Variants in POLR3A observed in about 807,000 individuals in gnomAD.
POLR3A encodes RNA polymerase III subunit A.
A neutral mutation model predicts 152.8 loss-of-function variants in POLR3A; 112 were observed. That is an observed-to-expected ratio of 0.73 (90% CI 0.63 to 0.86). The LOEUF (loss-of-function observed/expected upper bound fraction) is 0.86, where lower values mean the gene tolerates loss of function less well. POLR3A is among the 40% of genes least tolerant of loss of function. The pLI is 0.00. For missense variants in POLR3A, 1,385 were observed against 1,743.1 expected (o/e 0.79, Z 3.66); for synonymous variants, 615 against 652.1 (o/e 0.94, Z 0.87).
chr10:78,007,942 G>A lies in POLR3A; in HGVS notation c.1910-76C>T, dbSNP rs1042075079. Reference sequence around the variant, plus strand: ...ATTCCAAAATGAATTTGAGACAGTTGAGAAAATATGTTCCCATACTGACAC... The same window carrying A: ...ATTCCAAAATGAATTTGAGACAGTTAAGAAAATATGTTCCCATACTGACAC... On this transcript the variant is annotated intron_variant, in intron 14 of 30. Coordinates refer to ENST00000372371, the MANE Select transcript of POLR3A (RefSeq NM_007055.4). 94 of 1,082,424 alleles carry A rather than the reference G, an allele frequency of 8.7e-5. No individual in the cohort carries two copies. In the East Asian group the frequency reaches 4.0e-3, roughly 46 times the overall value. The allele number at this position is 1,082,424 out of a possible 1,614,324, so 67.1% of individuals were successfully genotyped here. A position where few individuals can be genotyped will look rare whatever the true frequency, so the allele number is the denominator to read the frequency against.
In POLR3A at chr10:78,022,297, C is replaced by T. The variant is rs759366628; in HGVS notation, c.733G>A (p.Gly245Arg). 6.8e-6 allele frequency: 11 copies of T among 1,614,202 alleles called. No homozygotes were observed. Among genetic ancestry groups the T allele is most frequent in the South Asian group, 3.3e-5 (3 of 91,086 alleles). ...VPLLLMNPEA[G>R]KPSDLILTRL... ...GTGAGAATCAAATCAGACGGCTTTC[C>T]GGCTTCTGGGTTCATCAGAAGTAGA... The change falls in exon 6 of 31, where the codon GGA (glycine) becomes AGA (arginine). Residue 245 changes from glycine (G) to arginine (R), a missense_variant. Physicochemically the swap from Gly to Arg is moderately radical, Grantham distance 125. Around this residue, in one of 7 missense-constraint regions of POLR3A, gnomAD observed 493 missense variants for 647.5 expected, o/e 0.76. Coordinates refer to ENST00000372371, the MANE Select transcript of POLR3A (RefSeq NM_007055.4).
chr10:78,009,727 C>G (rs1847446638), intron 13 of POLR3A, 52 bp from the exon 14 acceptor site: 1 of 1,613,772 alleles, frequency 6.2e-7, no homozygotes, highest in South Asian at 1.1e-5. Flanking sequence ...GGTCTCAATC[C>G]CCCTTCAGTA....
At chr10:78,022,778 C>T (rs1026128873) in intron 5 of POLR3A, among the ~76,000 whole-genome samples, 15 of 151,984 alleles carry the variant, frequency 9.9e-5, no homozygotes, top group South Asian at 2.1e-4. Flanking sequence ...ACGGTATATC[C>T]CTATGTGGAA....
At chr10:77,986,249 A>G (rs1847197451) in intron 21 of POLR3A, 90 bp from the exon 22 acceptor site, 4 of 793,724 alleles carry the variant, frequency 5.0e-6, no homozygotes, top group Non-Finnish European at 9.2e-6. Context: ...GTATATGACA[A>G]GTCCATCATA....
intron 14 of POLR3A, among the ~76,000 whole-genome samples, chr10:78,009,219 C>CCCG (rs1847440740): frequency 1.3e-5 from 2 of 151,698 alleles, no homozygotes; most frequent in African/African-American, 4.8e-5. Flanking sequence ...TATTGCCCCC[C>CCCG]CCGCCGCCAA....
At chr10:78,022,895 T>G (rs1362744332) in intron 5 of POLR3A, among the ~76,000 whole-genome samples, 1 of 152,204 alleles carries the variant, frequency 6.6e-6, no homozygotes, top group African/African-American at 2.4e-5. Context: ...TAGTGGCTCA[T>G]GCCTGTAATC....
At chr10:77,978,595 G>A (rs1847110766) in intron 30 of POLR3A, among the ~76,000 whole-genome samples, 1 of 151,802 alleles carries the variant, frequency 6.6e-6, no homozygotes, top group Non-Finnish European at 1.5e-5. Flanking sequence ...CTTTCTTCCA[G>A]TCTTCTGTGT....
chr10:77,998,906 G>A (rs1236134384), intron 19 of POLR3A, among the ~76,000 whole-genome samples: 2 of 152,198 alleles, frequency 1.3e-5, no homozygotes, highest in Admixed American at 1.3e-4. Context: ...CAACCTAAGT[G>A]TCCAACAATG....
At position 78,017,641 on chromosome 10, in the gene POLR3A, G is replaced by A. The variant is rs776355314; in HGVS notation, c.1365C>T (p.Ile455=). The A allele has an allele frequency of 1.4e-5, 23 of 1,613,884 alleles. No individual in the cohort carries two copies. The highest frequency in any genetic ancestry group is 1.6e-5 in the Non-Finnish European group (19 of 1,179,910). ...KYGDIVERHL[I]DGDVVLFNRQ... Reference sequence around the variant, plus strand: ...GATTGAACAGCACCACATCTCCATCGATGAGGTGTCTCTCTACGATGTCAC... The same window carrying A: ...GATTGAACAGCACCACATCTCCATCAATGAGGTGTCTCTCTACGATGTCAC... The change falls in exon 10 of 31, where the codon ATC becomes ATT. Residue 455 remains isoleucine (I), a synonymous_variant. Transcript: ENST00000372371.
intron 9 of POLR3A, 79 bp downstream of exon 9, chr10:78,019,083 C>T (rs1847552796): frequency 1.0e-6 from 1 of 980,482 alleles, no homozygotes; most frequent in Non-Finnish European, 1.7e-6. Flanking sequence ...TTCTGGATTG[C>T]ATTCTGTGGC....
chr10:77,992,267 T>G (rs185420736), intron 20 of POLR3A, among the ~76,000 whole-genome samples: 1 of 151,888 alleles, frequency 6.6e-6, no homozygotes, highest in East Asian at 1.9e-4. Context: ...AACAACTTTT[T>G]TTTTCATCTT....
intron 11 of POLR3A, among the ~76,000 whole-genome samples, chr10:78,012,839 A>T (rs1368984706): frequency 1.3e-5 from 2 of 152,016 alleles, no homozygotes; most frequent in Non-Finnish European, 2.9e-5. Context: ...CTCCCATTTC[A>T]GCTTCCTGAG....
intron 24 of POLR3A, 77 bp from the exon 25 acceptor site, chr10:77,984,375 A>C (rs780180159): frequency 3.2e-5 from 27 of 842,914 alleles, no homozygotes; most frequent in Non-Finnish European, 4.6e-5. Flanking sequence ...GTTAAACCCA[A>C]GTGCTATTTA....
chr10:77,978,423 G>A (rs578204107), intron 30 of POLR3A, among the ~76,000 whole-genome samples: 1 of 152,304 alleles, frequency 6.6e-6, no homozygotes, highest in African/African-American at 2.4e-5. Context: ...CAAATTGGGG[G>A]TGGGGTGGCA....
At chr10:77,984,571 T>A (rs1232840324) in intron 24 of POLR3A, among the ~76,000 whole-genome samples, 1 of 152,218 alleles carries the variant, frequency 6.6e-6, no homozygotes, top group Non-Finnish European at 1.5e-5. Flanking sequence ...CTTGATCTCC[T>A]GACCTCGTGA....
At position 77,977,373 on chromosome 10, in the gene POLR3A, G is replaced by A. The variant is rs1325836378; in HGVS notation, c.*105C>T. On this transcript the variant is annotated 3_prime_UTR_variant, in exon 31 of 31. Coordinates refer to ENST00000372371, the MANE Select transcript of POLR3A (RefSeq NM_007055.4). ...AGGGCTTCTCTGATTGCTGGCATAG[G>A]TGGGGACCTCAGGACCCCCGTCCCA... 8.7e-7 allele frequency: 1 copy of A among 1,143,380 alleles called. No individual in the cohort carries two copies. The highest frequency in any genetic ancestry group is 2.3e-5 in the East Asian group (1 of 42,726). The allele number at this position is 1,143,380 out of a possible 1,614,324, so 70.8% of individuals were successfully genotyped here.
chr10:78,015,019 TCAAA>T (rs1381536576), intron 10 of POLR3A, among the ~76,000 whole-genome samples: 1 of 152,184 alleles, frequency 6.6e-6, no homozygotes, highest in Non-Finnish European at 1.5e-5. Flanking sequence ...GCATCTTGAC[TCAAA>T]CAAACCACAA....
rs146894710 is a variant in POLR3A at position 78,006,029 on chromosome 10, T to C, written c.2075-1141A>G. On this transcript the variant is annotated intron_variant, in intron 15 of 30. Coordinates refer to ENST00000372371, the MANE Select transcript of POLR3A (RefSeq NM_007055.4). ...ATACAGAAAATTCAGGAAGCAAATA[T>C]AATAAAACTATGAATAATATTCTCT... 3.4e-3 allele frequency among the ~76,000 whole-genome samples: 523 copies of C among 152,130 alleles called. 5 individuals are homozygous for C. The highest frequency in any genetic ancestry group is 0.012 in the African/African-American group (488 of 41,498).
chr10:77,979,493 T>G (rs957234112), intron 30 of POLR3A, among the ~76,000 whole-genome samples: 3 of 152,118 alleles, frequency 2.0e-5, no homozygotes, highest in African/African-American at 4.8e-5. Context: ...AGCCAGACAC[T>G]GGGGAGAGTT....
Sources: allele counts gnomAD v4.1 joint callset (sites outside exome capture counted in the v4.1 genomes callset), GRCh38; gene constraint gnomAD v4.1.1; regional missense constraint gnomAD v4.1.1; transcripts MANE v1.5; gene names NCBI Gene and HGNC (gene_info 2026-07-23, HGNC 2026-07-21).